STS: variants seen among roughly 807,000 people sequenced by gnomAD.
STS encodes the protein steroid sulfatase, also known as steryl-sulfatase.
A neutral mutation model predicts 26.8 loss-of-function variants in STS; 7 were observed. That is an observed-to-expected ratio of 0.26 (90% CI 0.15 to 0.49). The LOEUF is 0.49. STS is among the 20% of genes least tolerant of loss of function. The pLI, the probability that STS is intolerant of heterozygous loss-of-function variation, is 0.98. For missense variants in STS, 434 were observed against 465.6 expected (o/e 0.93, Z 0.63); for synonymous variants, 199 against 189.4 (o/e 1.05, Z -0.42).
At chrX:7,166,990 A>T (rs1319417639) in intron 1 of STS, among the ~76,000 whole-genome samples, 1 of 111,566 alleles carries the variant, frequency 9.0e-6, no homozygotes, top group Non-Finnish European at 1.9e-5. Flanking sequence ...GTCATTATTT[A>T]TCACTGCAGA....
intron 1 of STS, among the ~76,000 whole-genome samples, chrX:7,182,984 G>A (rs1296977567): frequency 5.4e-5 from 6 of 111,675 alleles, no homozygotes; most frequent in Non-Finnish European, 1.1e-4. Flanking sequence ...TATGATTGGC[G>A]TCCTTATCAA....
intron 6 of STS, among the ~76,000 whole-genome samples, chrX:7,260,780 T>C (rs1045077253): frequency 8.9e-6 from 1 of 111,880 alleles, no homozygotes; most frequent in African/African-American, 3.3e-5. Flanking sequence ...AGTTTATAGG[T>C]TGTCCTTGTG....
rs778192718 is a variant in STS at position 7,201,025 on chromosome X, TGATA to T, written c.-5+10023_-5+10026del. Among the ~76,000 whole-genome samples, 5 of 110,782 alleles carry T rather than the reference TGATA, an allele frequency of 4.5e-5. No homozygotes were observed. In the East Asian group the frequency reaches 1.1e-3, roughly 25 times the overall value. The stretch of plus-strand genomic sequence containing the variant: ...CGTAGATAAATGATAGATCGATGGA[TGATA>T]GATAGGCAGGCAGCTATATAGATAG... On this transcript the variant is annotated intron_variant, in intron 2 of 10. Transcript: ENST00000674429.
At chrX:7,247,407 A>C (rs751645958) in intron 2 of STS, among the ~76,000 whole-genome samples, 6 of 111,949 alleles carry the variant, frequency 5.4e-5, no homozygotes, top group Non-Finnish European at 9.4e-5. Flanking sequence ...ACTGCCAGTC[A>C]CATAGCTTCC....
At chrX:7,316,184 G>A (rs1180262238) in intron 8 of STS, among the ~76,000 whole-genome samples, 2 of 111,811 alleles carry the variant, frequency 1.8e-5, no homozygotes, top group African/African-American at 6.5e-5. Flanking sequence ...ACAATATTAA[G>A]TATGAGTTCA....
At chrX:7,292,882 A>T (rs767508474) in intron 7 of STS, among the ~76,000 whole-genome samples, 1 of 111,157 alleles carries the variant, frequency 9.0e-6, no homozygotes, top group Non-Finnish European at 1.9e-5. Context: ...GATGGAGGTC[A>T]CTGGGCAAGG....
At chrX:7,208,109 A>T (rs1259118468) in intron 2 of STS, among the ~76,000 whole-genome samples, 3 of 112,776 alleles carry the variant, frequency 2.7e-5, no homozygotes, top group African/African-American at 6.4e-5. Context: ...ACAAAGCAAT[A>T]GCATTTGCCG....
intron 8 of STS, among the ~76,000 whole-genome samples, chrX:7,315,500 A>G (rs1926672088): frequency 9.0e-6 from 1 of 111,337 alleles, no homozygotes; most frequent in South Asian, 3.9e-4. Context: ...TATTAGGAGA[A>G]TTGACTCACA....
At chrX:7,220,898 G>A (rs1288175465) in intron 2 of STS, among the ~76,000 whole-genome samples, 2 of 111,317 alleles carry the variant, frequency 1.8e-5, no homozygotes, top group East Asian at 5.7e-4. Context: ...CCCTTGATAT[G>A]CCACTGAATC....
intron 10 of STS, among the ~76,000 whole-genome samples, chrX:7,348,876 C>T (rs1462492231): frequency 1.8e-5 from 2 of 112,022 alleles, no homozygotes; most frequent in African/African-American, 6.5e-5. Context: ...TCTCCTTCAT[C>T]GCCAAAAGAT....
intron 6 of STS, 74 bp from the exon 7 acceptor site, chrX:7,275,877 T>C: frequency 9.0e-7 from 1 of 1,107,785 alleles, no homozygotes; most frequent in South Asian, 2.0e-5. Flanking sequence ...TGGATCTTAA[T>C]CAGAATGGTG....
At chrX:7,330,213 G>T (rs1927682156) in intron 9 of STS, among the ~76,000 whole-genome samples, 1 of 111,963 alleles carries the variant, frequency 8.9e-6, no homozygotes, top group African/African-American at 3.2e-5. Flanking sequence ...CAAAAAAGAA[G>T]AATCGAATAT....
At chrX:7,273,696 C>A (rs1430052942) in intron 6 of STS, among the ~76,000 whole-genome samples, 1 of 111,433 alleles carries the variant, frequency 9.0e-6, no homozygotes, top group Non-Finnish European at 1.9e-5. Flanking sequence ...TAAAAATAGT[C>A]AATTTCCCCT....
chrX:7,148,119 C>T, intron 1 of STS, 36 bp downstream of exon 1: 1 of 1,123,078 alleles, frequency 8.9e-7, no homozygotes, highest in Non-Finnish European at 1.2e-6. Context: ...GCCATGGTGG[C>T]GCCTTCTGGG....
Position 7,222,528 on chromosome X carries a change from C to CAAAAAAAA in STS, c.-4-30652_-4-30645dup, listed in dbSNP as rs770658761. 1.0e-4 allele frequency among the ~76,000 whole-genome samples: 4 copies of CAAAAAAAA among 39,420 alleles called. 1 individual carries two copies. Among genetic ancestry groups the CAAAAAAAA allele is most frequent in the Non-Finnish European group, 1.3e-4 (3 of 22,777 alleles). The allele number at this position is 39,420 out of a possible 115,157, so 34.2% of individuals were successfully genotyped here. ...TTGTGAGAAAGGATGCCCTCAGCTG[C>CAAAAAAAA]AAAAAAAAAAAAAAAAAAAAAAAGA... On this transcript the variant is annotated intron_variant, in intron 2 of 10. Coordinates refer to ENST00000674429, the MANE Select transcript of STS (RefSeq NM_001320752.2).
At position 7,324,171 on chromosome X, in the gene STS, G is replaced by A. The variant is rs183566258; in HGVS notation, c.1082-1168G>A. 7.3e-5 allele frequency among the ~76,000 whole-genome samples: 8 copies of A among 109,566 alleles called. No homozygotes were observed. In the South Asian group the frequency reaches 1.2e-3, roughly 16 times the overall value. ...AGGTAGCATGAGTCAAAATCGGGGG[G>A]TGGGGGGTGAGGAGGCTTCAGGTCA... is the stretch of plus-strand genomic sequence containing the variant. On this transcript the variant is annotated intron_variant, in intron 8 of 10. Coordinates refer to ENST00000674429, the MANE Select transcript of STS (RefSeq NM_001320752.2).
intron 2 of STS, among the ~76,000 whole-genome samples, chrX:7,220,323 G>A (rs1921493609): frequency 1.8e-5 from 2 of 110,794 alleles, no homozygotes; most frequent in South Asian, 7.7e-4. Flanking sequence ...TTCCCTCATG[G>A]GAGGAAGGGA....
chrX:7,292,908 A>G (rs1925487651), intron 7 of STS, among the ~76,000 whole-genome samples: 1 of 111,309 alleles, frequency 9.0e-6, no homozygotes, highest in Non-Finnish European at 1.9e-5. Flanking sequence ...CTTTCAGTGC[A>G]TGCTTCCTGA....
chrX:7,213,026 C>T (rs972860249), intron 2 of STS, among the ~76,000 whole-genome samples: 2 of 111,598 alleles, frequency 1.8e-5, no homozygotes, highest in Non-Finnish European at 3.8e-5. Context: ...CCAGACTGGT[C>T]TCAAACTAGC....
Sources: gnomAD v4.1 joint callset for allele counts (sites outside exome capture counted in the v4.1 genomes callset) on GRCh38, gnomAD v4.1.1 for gene constraint, MANE v1.5 for transcripts, NCBI Gene and HGNC (gene_info 2026-07-23, HGNC 2026-07-21) for gene names.